The following INSYN2A variants were observed in gnomAD, a reference collection of about 807,000 sequenced individuals.
The protein encoded by INSYN2A is family with sequence similarity 196 member A.
Under a neutral mutation model 39.4 loss-of-function variants are expected in INSYN2A, and 17 were observed. The ratio of observed to expected loss-of-function variants is 0.43; its 90% confidence interval spans 0.30 to 0.65. The LOEUF is 0.65. Ranked by LOEUF, INSYN2A falls within the 30% of genes least tolerant of loss-of-function variation. The probability of loss-of-function intolerance (pLI) is 0.14; values close to 1 mark genes in which losing one functional copy is unlikely to be tolerated. For synonymous variants in INSYN2A, 255 were observed against 265.7 expected (o/e 0.96, Z 0.39); for missense variants, 595 against 631.2 (o/e 0.94, Z 0.61).
chr10:127,156,358 T>G (rs968203844), intron 4 of INSYN2A, among the ~76,000 whole-genome samples: 1 of 152,074 alleles, frequency 6.6e-6, no homozygotes, highest in African/African-American at 2.4e-5. Flanking sequence ...CTGGGGCTGG[T>G]GTTCTGCACC....
chr10:127,188,320 G>A (rs1486318198), intron 2 of INSYN2A, among the ~76,000 whole-genome samples: 1 of 152,166 alleles, frequency 6.6e-6, no homozygotes, highest in Non-Finnish European at 1.5e-5. Flanking sequence ...TTATGGGATG[G>A]CAAATTCCAA....
intron 2 of INSYN2A, among the ~76,000 whole-genome samples, chr10:127,188,540 T>C (rs2056480066): frequency 6.6e-6 from 1 of 152,214 alleles, no homozygotes; most frequent in Non-Finnish European, 1.5e-5. Flanking sequence ...TGAATAACTC[T>C]GGAATTTCTG....
chr10:127,151,025 G>A (rs2489390), intron 5 of INSYN2A, among the ~76,000 whole-genome samples: 108,988 of 152,132 alleles, frequency 0.72, 43,748 homozygotes, highest in South Asian at 0.9. Context: ...AGTTAGGTAC[G>A]TGTCAATTTT....
intron 2 of INSYN2A, among the ~76,000 whole-genome samples, chr10:127,189,126 C>G (rs1489443430): frequency 6.6e-6 from 1 of 152,190 alleles, no homozygotes; most frequent in Non-Finnish European, 1.5e-5. Flanking sequence ...GCAGGACCTA[C>G]GAGACACAAG....
chr10:127,163,480 A>G (rs1304025877), intron 4 of INSYN2A, among the ~76,000 whole-genome samples: 2 of 152,134 alleles, frequency 1.3e-5, no homozygotes, highest in Non-Finnish European at 2.9e-5. Context: ...TCAGGGCCAG[A>G]AGTAGAGTAG....
chr10:127,147,297 C>G (rs1431823304), intron 5 of INSYN2A, among the ~76,000 whole-genome samples: 1 of 152,128 alleles, frequency 6.6e-6, no homozygotes, highest in Non-Finnish European at 1.5e-5. Flanking sequence ...GGTGCCCTGG[C>G]TGTTTGTCCT....
chr10:127,161,368 G>A (rs569117343), intron 4 of INSYN2A, among the ~76,000 whole-genome samples: 1 of 152,162 alleles, frequency 6.6e-6, no homozygotes, highest in South Asian at 2.1e-4. Context: ...TTTGGTGATG[G>A]TTTGTCTGTT....
In INSYN2A at chr10:127,176,366, T is replaced by C. The variant is rs1227540826; in HGVS notation, c.30A>G (p.Ile10Met). 16 of 1,612,132 alleles carry C rather than the reference T, an allele frequency of 9.9e-6. No individual in the cohort carries two copies. Among genetic ancestry groups the C allele is most frequent in the Non-Finnish European group, 1.3e-5 (15 of 1,179,424 alleles). ...CCACTTCACTCTCCGACGTTGTGAG[T>C]ATGCATTTGCCGGTGTCCTTACTGA... is the stretch of plus-strand genomic sequence containing the variant. MVSKDTGKC[I>M]LTTSESEVEP... Residue 10 changes from isoleucine to methionine, a missense_variant, in exon 4 of 6, where the codon ATA (isoleucine) becomes ATG (methionine). By Grantham distance (10) the Ile-to-Met change is conservative. Around this residue, in one of 2 missense-constraint regions of INSYN2A, gnomAD observed 478 missense variants for 467.4 expected, o/e 1.02. Transcript: ENST00000522781. The surrounding 1 kb of genome is among the most constrained non-coding windows in gnomAD (Gnocchi z 4.4).
intron 4 of INSYN2A, among the ~76,000 whole-genome samples, chr10:127,165,199 CAG>C (rs982736064): frequency 1.3e-5 from 2 of 152,200 alleles, no homozygotes; most frequent in East Asian, 1.9e-4. Context: ...TAAATATCCA[CAG>C]AGTCTTTTAT....
At chr10:127,152,704 A>G (rs539253088) in intron 5 of INSYN2A, among the ~76,000 whole-genome samples, 1 of 152,370 alleles carries the variant, frequency 6.6e-6, no homozygotes, top group Non-Finnish European at 1.5e-5. Context: ...AGTTGTGGCA[A>G]CTGAAAACGT....
At position 127,171,646 on chromosome 10, in the gene INSYN2A, T is replaced by G. The variant is rs1481776192; in HGVS notation, c.1184+3566A>C. On this transcript the variant is annotated intron_variant, in intron 4 of 5. Transcript: ENST00000522781. Reference sequence around the variant, plus strand: ...AACTGACTTTCCCCAGCTTCAAGAGTGTTCTCCAGCTCCTGATTTGTAGGC... The same window carrying G: ...AACTGACTTTCCCCAGCTTCAAGAGGGTTCTCCAGCTCCTGATTTGTAGGC... Among the ~76,000 whole-genome samples the G allele has an allele frequency of 3.9e-5, 6 of 152,254 alleles. No individual in the cohort carries two copies. In the South Asian group the frequency reaches 8.3e-4, roughly 21 times the overall value.
intron 5 of INSYN2A, among the ~76,000 whole-genome samples, chr10:127,152,712 C>T (rs575625858): frequency 6.6e-6 from 1 of 152,254 alleles, no homozygotes; most frequent in Non-Finnish European, 1.5e-5. Flanking sequence ...CAACTGAAAA[C>T]GTCTCCTTCC....
At chr10:127,189,603 G>A (rs1180155937) in intron 2 of INSYN2A, among the ~76,000 whole-genome samples, 1 of 152,250 alleles carries the variant, frequency 6.6e-6, no homozygotes, top group Non-Finnish European at 1.5e-5. Context: ...TGAAGCCACT[G>A]AGCTAACAAC....
chr10:127,147,965 AG>A (rs1321740984), intron 5 of INSYN2A, among the ~76,000 whole-genome samples: 1 of 130,308 alleles, frequency 7.7e-6, no homozygotes, highest in Non-Finnish European at 1.6e-5. Flanking sequence ...CAGGAGGAGG[AG>A]GGTGCAGTGA....
At position 127,139,266 on chromosome 10, in the gene INSYN2A, G is replaced by A. The variant is rs11016428; in HGVS notation, c.1257-1246C>T. On this transcript the variant is annotated intron_variant, in intron 5 of 5. Coordinates refer to ENST00000522781, the MANE Select transcript of INSYN2A (RefSeq NM_001039762.3). ...CAAATTTTGACATTTTGGAAAGACA[G>A]AAACAGCCAAGCTATATTATCTGGA... is the stretch of plus-strand genomic sequence containing the variant. Among the ~76,000 whole-genome samples the A allele has an allele frequency of 6.6e-3, 997 of 152,212 alleles. 4 individuals are homozygous for A. Among genetic ancestry groups the A allele is most frequent in the Admixed American group, 0.011 (175 of 15,280 alleles).
At chr10:127,170,313 A>G (rs1287897723) in intron 4 of INSYN2A, among the ~76,000 whole-genome samples, 1 of 152,150 alleles carries the variant, frequency 6.6e-6, no homozygotes, top group Non-Finnish European at 1.5e-5. Context: ...GTCATGTTTA[A>G]GGGCCTGGGG....
At position 127,138,346 on chromosome 10, in the gene INSYN2A, G is replaced by A. The variant is rs182216522; in HGVS notation, c.1257-326C>T. Among the ~76,000 whole-genome samples, 760 of 152,254 alleles carry A rather than the reference G, an allele frequency of 5.0e-3. 6 individuals carry two copies. Among genetic ancestry groups the A allele is most frequent in the Non-Finnish European group, 4.8e-3 (325 of 68,020 alleles). The stretch of plus-strand genomic sequence containing the variant: ...TTGTTTGTCCACAGTCTGTTCACAT[G>A]GGCCTCATGGAGTAAAACAGAAAAC... On this transcript the variant is annotated intron_variant, in intron 5 of 5. Transcript: ENST00000522781.
intron 4 of INSYN2A, among the ~76,000 whole-genome samples, chr10:127,170,554 G>A (rs939851166): frequency 3.9e-5 from 6 of 152,170 alleles, no homozygotes; most frequent in Admixed American, 2.0e-4. Context: ...AATGTTTGGC[G>A]TAGGAAATCT....
intron 4 of INSYN2A, among the ~76,000 whole-genome samples, chr10:127,164,371 C>A (rs758859764): frequency 2.0e-5 from 3 of 151,766 alleles, no homozygotes; most frequent in African/African-American, 4.8e-5. Flanking sequence ...TTTGTAGACA[C>A]GGGATTTCAC....
Sources: allele counts gnomAD v4.1 joint callset (sites outside exome capture counted in the v4.1 genomes callset), GRCh38; gene constraint gnomAD v4.1.1; regional missense constraint gnomAD v4.1.1; non-coding constraint Gnocchi (gnomAD v3.1); transcripts MANE v1.5; gene names NCBI Gene and HGNC (gene_info 2026-07-23, HGNC 2026-07-21).